CACNA2D4: variants seen among roughly 807,000 people sequenced by gnomAD.
The protein encoded by CACNA2D4 is calcium voltage-gated channel auxiliary subunit alpha2delta 4, also known as voltage-dependent calcium channel subunit alpha-2/delta-4.
CACNA2D4 carries 157 observed loss-of-function variants against 163.8 expected under a neutral mutation model. That is an observed-to-expected ratio of 0.96 (90% CI 0.84 to 1.09). The LOEUF (loss-of-function observed/expected upper bound fraction) is 1.09, where lower values mean the gene tolerates loss of function less well. CACNA2D4 is among the 50% of genes least tolerant of loss of function. The probability of loss-of-function intolerance (pLI) is 0.00; values close to 1 mark genes in which losing one functional copy is unlikely to be tolerated. For missense variants in CACNA2D4, 1,410 were observed against 1,479.9 expected (o/e 0.95, Z 0.78); for synonymous variants, 598 against 586.9 (o/e 1.02, Z -0.27).
intron 6 of CACNA2D4, among the ~76,000 whole-genome samples, chr12:1,901,598 G>T (rs1353235183): frequency 6.6e-6 from 1 of 151,984 alleles, no homozygotes; most frequent in Admixed American, 6.6e-5. Flanking sequence ...TAGAAGAAAT[G>T]AATAAATTCC....
At position 1,846,521 on chromosome 12, in the gene CACNA2D4, G is replaced by A. The variant is rs1305685298; in HGVS notation, c.2342+73C>T. The stretch of plus-strand genomic sequence containing the variant: ...CCGGTGCCAGTCCACCCATGGCCCA[G>A]GAACACACCATGGGACTCTGGCCCT... On this transcript the variant is annotated intron_variant, in intron 24 of 37. Transcript: ENST00000382722. 10 of 1,256,630 alleles carry A rather than the reference G, an allele frequency of 8.0e-6. No homozygotes were observed. The East Asian group carries it at 2.5e-4, about 32-fold the overall frequency. The allele number at this position is 1,256,630 out of a possible 1,614,324, so 77.8% of individuals were successfully genotyped here. A position where few individuals can be genotyped will look rare whatever the true frequency, so the allele number is the denominator to read the frequency against.
rs115224994 is a variant in CACNA2D4 at position 1,862,087 on chromosome 12, G to T, written c.1879-1881C>A. Among the ~76,000 whole-genome samples, 396 of 152,336 alleles carry T rather than the reference G, an allele frequency of 2.6e-3. 5 individuals are homozygous for T. Among genetic ancestry groups the T allele is most frequent in the African/African-American group, 9.0e-3 (375 of 41,570 alleles). ...CTTTCTGCTGCTGAGTAGTATCGCA[G>T]TGTGTGGACACGGCCCAGTATGCTT... On this transcript the variant is annotated intron_variant, in intron 18 of 37. Transcript: ENST00000382722.
Position 1,883,334 on chromosome 12 carries a change from A to G in CACNA2D4, c.1352-334T>C, listed in dbSNP as rs7980286. 0.25 allele frequency among the ~76,000 whole-genome samples: 37,443 copies of G among 152,008 alleles called. 6,231 individuals carry two copies. The highest frequency in any genetic ancestry group is 0.46 in the East Asian group (2,360 of 5,144). ...CTCGCCCTCCCACTTCCTCACAGGAACATCTCATGAGAGTGCCCTGTAAGC... is the reference window on the plus strand; with the variant it reads ...CTCGCCCTCCCACTTCCTCACAGGAGCATCTCATGAGAGTGCCCTGTAAGC... On this transcript the variant is annotated intron_variant, in intron 12 of 37. Coordinates refer to ENST00000382722, the MANE Select transcript of CACNA2D4 (RefSeq NM_172364.5). The surrounding 1 kb of genome is among the most constrained non-coding windows in gnomAD (Gnocchi z 4.5).
At chr12:1,901,891 T>A (rs1866546204) in intron 6 of CACNA2D4, among the ~76,000 whole-genome samples, 1 of 151,560 alleles carries the variant, frequency 6.6e-6, no homozygotes, top group Admixed American at 6.6e-5. Flanking sequence ...AACAAAGACA[T>A]ACCAAAACAA....
rs1864790260 is a variant in CACNA2D4 at position 1,834,889 on chromosome 12, C to G, written c.2551+5850G>C. On this transcript the variant is annotated intron_variant, in intron 26 of 37. Transcript: ENST00000382722. The surrounding 1 kb of genome is among the most constrained non-coding windows in gnomAD (Gnocchi z 7.6). ...GGGTTCTCTCCCTGCACTTTCGAGG[C>G]TCCCTGAAAGCCACCGTGCTGGGGG... 1.6e-5 allele frequency: 21 copies of G among 1,343,788 alleles called. No homozygotes were observed. Among genetic ancestry groups the G allele is most frequent in the Non-Finnish European group, 2.1e-5 (21 of 1,019,096 alleles). 83.2% of individuals were successfully genotyped at this position (1,343,788 alleles called of 1,614,324 possible).
In CACNA2D4 at chr12:1,849,959, T is replaced by C. The variant is rs74448188; in HGVS notation, c.2247-3270A>G. On this transcript the variant is annotated intron_variant, in intron 23 of 37. Coordinates refer to ENST00000382722, the MANE Select transcript of CACNA2D4 (RefSeq NM_172364.5). ...TTATGTGGATCCACCATGATTTATG[T>C]AACTAGGCTCCCACTGATGAACGTT... Among the ~76,000 whole-genome samples, 22 of 152,334 alleles carry C rather than the reference T, an allele frequency of 1.4e-4. No homozygotes were observed. In the East Asian group the frequency reaches 4.2e-3, roughly 29 times the overall value.
At chr12:1,831,355 T>A (rs778341089) in intron 26 of CACNA2D4, 1 of 1,613,966 alleles carries the variant, frequency 6.2e-7, no homozygotes, top group Admixed American at 1.7e-5. Flanking sequence ...TTCGACGGGC[T>A]CCTGGCTCTG....
intron 36 of CACNA2D4, 101 bp downstream of exon 36, chr12:1,795,567 G>A (rs1863094091): frequency 2.1e-6 from 2 of 960,284 alleles, no homozygotes; most frequent in Non-Finnish European, 3.3e-6. Flanking sequence ...GAGGACACGG[G>A]CGGTGAAGGA....
intron 26 of CACNA2D4, among the ~76,000 whole-genome samples, chr12:1,825,498 C>A (rs1478289573): frequency 6.6e-6 from 1 of 152,224 alleles, no homozygotes; most frequent in Admixed American, 6.5e-5. Flanking sequence ...GCGGCTTACA[C>A]ATCTGTCTGT....
intron 6 of CACNA2D4, among the ~76,000 whole-genome samples, chr12:1,906,897 C>G (rs1221670014): frequency 6.6e-6 from 1 of 152,194 alleles, no homozygotes; most frequent in Non-Finnish European, 1.5e-5. Context: ...GTGTGCTAAA[C>G]TATAAAAATG....
At position 1,854,039 on chromosome 12, in the gene CACNA2D4, C is replaced by T. The variant is rs578029299; in HGVS notation, c.2158G>A (p.Glu720Lys). The change falls in exon 23 of 38, where the codon GAG (glutamate) becomes AAG (lysine). Residue 720 changes from glutamate (E) to lysine (K), a missense_variant. Transcript: ENST00000382722. ...TRKDPDLECD[E>K]ELVREVLFDA... ...AACAGCACCTCCCGGACCAGCTCCT[C>T]GTCACCTGGGTGCAAAACATCAGGG... The T allele has an allele frequency of 3.9e-5, 63 of 1,608,576 alleles. No homozygotes were observed. Among genetic ancestry groups the T allele is most frequent in the Non-Finnish European group, 4.9e-5 (58 of 1,176,896 alleles).
At chr12:1,794,979 C>G (rs762119548) in intron 37 of CACNA2D4, 1 of 500,846 alleles carries the variant, frequency 2.0e-6, no homozygotes, top group East Asian at 3.0e-5. Context: ...CTCTATCATT[C>G]CAAGGGTCTT....
chr12:1,797,354 A>C, intron 35 of CACNA2D4, 64 bp downstream of exon 35: 1 of 1,236,326 alleles, frequency 8.1e-7, no homozygotes, highest in Non-Finnish European at 1.1e-6. Context: ...CCCTGCCCGC[A>C]CTTCCGCCTT....
Position 1,869,751 on chromosome 12 carries a change from AGG to A in CACNA2D4, c.1878+4851_1878+4852del, listed in dbSNP as rs1414441590. 8.5e-5 allele frequency among the ~76,000 whole-genome samples: 13 copies of A among 152,192 alleles called. No homozygotes were observed. Among genetic ancestry groups the A allele is most frequent in the Non-Finnish European group, 1.6e-4 (11 of 68,038 alleles). ...TAAAATCCTACATTCTATCACTCCC[AGG>A]GGCTCTGTTCTTTGACCAAGCCCTA... On this transcript the variant is annotated intron_variant, in intron 18 of 37. Coordinates refer to ENST00000382722, the MANE Select transcript of CACNA2D4 (RefSeq NM_172364.5). The surrounding 1 kb of genome is among the most constrained non-coding windows in gnomAD (Gnocchi z 4.7).
At chr12:1,886,892 A>G (rs1866158761) in intron 7 of CACNA2D4, 117 bp downstream of exon 7, 2 of 680,030 alleles carry the variant, frequency 2.9e-6, no homozygotes, top group Admixed American at 2.2e-5. Flanking sequence ...GGTTCTACAC[A>G]CCCAAGGCCC....
At chr12:1,898,998 T>C (rs1005498367) in intron 6 of CACNA2D4, among the ~76,000 whole-genome samples, 74 of 152,210 alleles carry the variant, frequency 4.9e-4, no homozygotes, top group African/African-American at 1.7e-3. Context: ...TGGAGATGGA[T>C]GGTGGTGATT....
intron 26 of CACNA2D4, among the ~76,000 whole-genome samples, chr12:1,817,463 TCCCTCTCCCCTCTC>T (rs1417343673): frequency 6.6e-6 from 1 of 151,804 alleles, no homozygotes; most frequent in South Asian, 2.1e-4. Context: ...AGGAGATGAC[TCCCTCTCCCCTCTC>T]CCCTCTCCCC....
chr12:1,889,350 T>C (rs1866223698), intron 6 of CACNA2D4, among the ~76,000 whole-genome samples: 1 of 152,192 alleles, frequency 6.6e-6, no homozygotes, highest in East Asian at 1.9e-4. Flanking sequence ...TTATATCAAA[T>C]AACAATACTT....
At position 1,829,518 on chromosome 12, in the gene CACNA2D4, G is replaced by A. The variant is rs1250266645; in HGVS notation, c.2551+11221C>T. Among the ~76,000 whole-genome samples, 1 of 152,112 alleles carries A rather than the reference G, an allele frequency of 6.6e-6. No individual in the cohort carries two copies. Among genetic ancestry groups the A allele is most frequent in the Non-Finnish European group, 1.5e-5 (1 of 68,020 alleles). ...CAGTGAGGCTTGCTGTTAGGCTGCAGGGAGGCCTGGGCCAGATCTAGCCAC... is the reference window on the plus strand; with the variant it reads ...CAGTGAGGCTTGCTGTTAGGCTGCAAGGAGGCCTGGGCCAGATCTAGCCAC... On this transcript the variant is annotated intron_variant, in intron 26 of 37. Coordinates refer to ENST00000382722, the MANE Select transcript of CACNA2D4 (RefSeq NM_172364.5). This position sits in a 1 kb window ranked among gnomAD's most constrained non-coding sequence, Gnocchi z 4.2.
Sources: allele counts gnomAD v4.1 joint callset (sites outside exome capture counted in the v4.1 genomes callset), GRCh38; gene constraint gnomAD v4.1.1; non-coding constraint Gnocchi (gnomAD v3.1); transcripts MANE v1.5; gene names NCBI Gene and HGNC (gene_info 2026-07-23, HGNC 2026-07-21).